PPP1R12B: variants seen among roughly 807,000 people sequenced by gnomAD.
The protein encoded by PPP1R12B is protein phosphatase 1 regulatory subunit 12B, also known as myosin phosphatase target subunit 2.
A neutral mutation model predicts 126.1 loss-of-function variants in PPP1R12B; 76 were observed. The observed-to-expected ratio is 0.60, with a 90% CI of 0.50 to 0.73. PPP1R12B has a LOEUF of 0.73. Ranked by LOEUF, PPP1R12B falls within the 30% of genes least tolerant of loss-of-function variation. The pLI is 0.00. For missense variants in PPP1R12B, 1,052 were observed against 1,205.1 expected (o/e 0.87, Z 1.88); for synonymous variants, 356 against 434.7 (o/e 0.82, Z 2.25).
intron 18 of PPP1R12B, among the ~76,000 whole-genome samples, chr1:202,522,986 GTATA>G: frequency 6.6e-6 from 1 of 152,244 alleles, no homozygotes; most frequent in Admixed American, 6.5e-5. Flanking sequence ...TTAGAAACCA[GTATA>G]TCAAAAAGTC....
rs1473021676 is a variant in PPP1R12B, at chr1:202,511,777, T to A, written c.2490+14955T>A. 2.7e-5 allele frequency among the ~76,000 whole-genome samples: 4 copies of A among 148,582 alleles called. 1 individual carries two copies. Among genetic ancestry groups the A allele is most frequent in the Admixed American group, 2.7e-4 (4 of 14,946 alleles). On this transcript the variant is annotated intron_variant, in intron 18 of 23. Transcript: ENST00000608999. ...ATGATGTATATATACCACAATTTTT[T>A]TTTTTTTTTTTTTTTTGAGATGGAG...
chr1:202,486,420 G>C (rs1268848795), intron 13 of PPP1R12B, among the ~76,000 whole-genome samples: 3 of 152,068 alleles, frequency 2.0e-5, no homozygotes, highest in Admixed American at 1.3e-4. Flanking sequence ...TGATAATATA[G>C]ACAAAATAGA....
chr1:202,384,191 G>T lies in PPP1R12B; in HGVS notation c.292-32596G>T, dbSNP rs545093985. Among the ~76,000 whole-genome samples the T allele has an allele frequency of 3.3e-5, 5 of 152,248 alleles. No individual in the cohort carries two copies. In the South Asian group the frequency reaches 1.0e-3, roughly 32 times the overall value. ...AATTAACATTTGACCCATGAGTTCT[G>T]CTCCCAGGTATATATTCAAAATAAT... is the stretch of plus-strand genomic sequence containing the variant. On this transcript the variant is annotated intron_variant, in intron 1 of 23. Transcript: ENST00000608999.
In PPP1R12B at chr1:202,550,983, G is replaced by A. The variant is rs1686255060; in HGVS notation, c.2491-7894G>A. Among the ~76,000 whole-genome samples the A allele has an allele frequency of 2.6e-5, 4 of 152,330 alleles. No individual in the cohort carries two copies. In the South Asian group the frequency reaches 8.3e-4, roughly 32 times the overall value. ...ATTCACAAAAGGGAGGTGCAGGTCT[G>A]CATAGATGCTAAGAGCTTTAAAATT... On this transcript the variant is annotated intron_variant, in intron 18 of 23. Coordinates refer to ENST00000608999, the MANE Select transcript of PPP1R12B (RefSeq NM_002481.4).
Position 202,583,514 on chromosome 1 carries a change from G to A in PPP1R12B, c.*2954G>A, listed in dbSNP as rs761504702. 2.8e-4 allele frequency: 43 copies of A among 152,120 alleles called. No individual in the cohort carries two copies. Among genetic ancestry groups the A allele is most frequent in the Non-Finnish European group, 6.0e-4 (41 of 68,014 alleles). 9.4% of individuals were successfully genotyped at this position (152,120 alleles called of 1,614,324 possible). ...TGTAAACTATCCTAGGTAATTTCAG[G>A]TACTTTCTCTTATGCAATTAATTTT... On this transcript the variant is annotated 3_prime_UTR_variant, in exon 24 of 24. Transcript: ENST00000608999.
At chr1:202,475,564 C>T (rs1676524972) in intron 13 of PPP1R12B, among the ~76,000 whole-genome samples, 1 of 152,062 alleles carries the variant, frequency 6.6e-6, no homozygotes, top group Admixed American at 6.5e-5. Context: ...CATTGTGGTG[C>T]AATATAAGAA....
At chr1:202,421,180 C>T (rs962409216) in intron 2 of PPP1R12B, among the ~76,000 whole-genome samples, 7 of 151,778 alleles carry the variant, frequency 4.6e-5, no homozygotes, top group African/African-American at 1.2e-4. Context: ...GTCTCAAACT[C>T]CTGGCCTCAA....
chr1:202,512,178 A>G (rs1371451816), intron 18 of PPP1R12B, among the ~76,000 whole-genome samples: 9 of 152,248 alleles, frequency 5.9e-5, no homozygotes, highest in South Asian at 2.1e-4. Context: ...TATTTCTTCC[A>G]TGATACATAT....
chr1:202,388,650 T>A (rs1008300224), intron 1 of PPP1R12B, among the ~76,000 whole-genome samples: 4 of 152,150 alleles, frequency 2.6e-5, no homozygotes, highest in Non-Finnish European at 5.9e-5. Flanking sequence ...AGTAACTACC[T>A]CATAGAATTG....
At chr1:202,568,427 A>G (rs1293578619) in intron 22 of PPP1R12B, among the ~76,000 whole-genome samples, 1 of 152,196 alleles carries the variant, frequency 6.6e-6, no homozygotes, top group East Asian at 1.9e-4. Context: ...AGATTTATTG[A>G]TGGACCCTAG....
chr1:202,414,887 A>G (rs942187918), intron 1 of PPP1R12B, among the ~76,000 whole-genome samples: 3 of 152,136 alleles, frequency 2.0e-5, no homozygotes, highest in Non-Finnish European at 4.4e-5. Context: ...GGCTTAAGCC[A>G]TCCTCCCACC....
intron 18 of PPP1R12B, among the ~76,000 whole-genome samples, chr1:202,505,881 C>T (rs1234791153): frequency 6.6e-6 from 1 of 151,836 alleles, no homozygotes; most frequent in Non-Finnish European, 1.5e-5. Context: ...GGAAAGATAG[C>T]TCGTCCCCAG....
Position 202,565,152 on chromosome 1 carries a change from A to T in PPP1R12B, c.2757+605A>T, listed in dbSNP as rs1220563687. 6.6e-6 allele frequency among the ~76,000 whole-genome samples: 1 copy of T among 152,204 alleles called. No individual in the cohort carries two copies. The highest frequency in any genetic ancestry group is 1.5e-5 in the Non-Finnish European group (1 of 68,018). ...AAAGACTGATAAACTATTTCCTCTC[A>T]CTGCCAGGTTTGATTTAATTAGATG... On this transcript the variant is annotated intron_variant, in intron 21 of 23. Transcript: ENST00000608999. This position sits in a 1 kb window ranked among gnomAD's most constrained non-coding sequence, Gnocchi z 4.3.
chr1:202,517,582 G>A (rs1284651561), intron 18 of PPP1R12B, among the ~76,000 whole-genome samples: 1 of 151,858 alleles, frequency 6.6e-6, no homozygotes, highest in Non-Finnish European at 1.5e-5. Context: ...GAAAAAGTGT[G>A]TAACCTTACT....
intron 18 of PPP1R12B, among the ~76,000 whole-genome samples, chr1:202,522,665 A>G (rs1682896333): frequency 6.6e-6 from 1 of 152,180 alleles, no homozygotes; most frequent in Non-Finnish European, 1.5e-5. Context: ...TTATCCTTCC[A>G]TATGCTGTTT....
intron 1 of PPP1R12B, among the ~76,000 whole-genome samples, chr1:202,390,672 T>A (rs1664005924): frequency 6.6e-6 from 1 of 151,652 alleles, no homozygotes; most frequent in Admixed American, 6.6e-5. Context: ...CTTTTTTTTT[T>A]TTTTTTTCAT....
At chr1:202,484,196 C>T (rs1240479852) in intron 13 of PPP1R12B, among the ~76,000 whole-genome samples, 1 of 151,726 alleles carries the variant, frequency 6.6e-6, no homozygotes, top group East Asian at 1.9e-4. Context: ...TTCCTTTCTT[C>T]CTCTTTTATT....
At chr1:202,381,089 G>A (rs975562664) in intron 1 of PPP1R12B, among the ~76,000 whole-genome samples, 14 of 152,050 alleles carry the variant, frequency 9.2e-5, no homozygotes, top group African/African-American at 3.4e-4. Context: ...ATATAAATGT[G>A]TCTGTATTCC....
At chr1:202,483,962 A>G (rs981212080) in intron 13 of PPP1R12B, among the ~76,000 whole-genome samples, 4 of 152,180 alleles carry the variant, frequency 2.6e-5, no homozygotes, top group Non-Finnish European at 4.4e-5. Context: ...TGCATGGAAT[A>G]TCTTTTTCCC....
Sources: allele counts gnomAD v4.1 joint callset (sites outside exome capture counted in the v4.1 genomes callset), GRCh38; gene constraint gnomAD v4.1.1; non-coding constraint Gnocchi (gnomAD v3.1); transcripts MANE v1.5; gene names NCBI Gene and HGNC (gene_info 2026-07-23, HGNC 2026-07-21).